LUC7L2: variants seen among roughly 807,000 people sequenced by gnomAD.
The protein encoded by LUC7L2 is putative RNA-binding protein Luc7-like 2.
Under a neutral mutation model 52.8 loss-of-function variants are expected in LUC7L2, and 25 were observed. The ratio of observed to expected loss-of-function variants is 0.47; its 90% CI spans 0.34 to 0.66. LUC7L2 has a LOEUF of 0.66. Ranked by LOEUF, LUC7L2 falls within the 30% of genes least tolerant of loss-of-function variation. The pLI, the probability that LUC7L2 is intolerant of heterozygous loss-of-function variation, is 0.01. For missense variants in LUC7L2, 328 were observed against 497.8 expected (o/e 0.66, Z 3.25); for synonymous variants, 144 against 160.9 (o/e 0.89, Z 0.80).
chr7:139,397,954 G>C (rs1794732000), intron 2 of LUC7L2, among the ~76,000 whole-genome samples: 1 of 152,104 alleles, frequency 6.6e-6, no homozygotes, highest in South Asian at 2.1e-4. Flanking sequence ...AGTTTATATG[G>C]AGTCTTGTCC....
At chr7:139,409,468 G>T (rs1585127738) in intron 6 of LUC7L2, 95 bp from the exon 7 acceptor site, 1 of 1,399,598 alleles carries the variant, frequency 7.1e-7, no homozygotes, top group Non-Finnish European at 9.4e-7. Flanking sequence ...GACAGCAGTT[G>T]TACTGTATTA....
intron 1 of LUC7L2, chr7:139,371,265 G>C (rs1186780999): frequency 1.6e-6 from 1 of 618,174 alleles, no homozygotes; most frequent in Non-Finnish European, 2.9e-6. Context: ...TAAATTGCTT[G>C]CCATGAATGC....
intron 1 of LUC7L2, among the ~76,000 whole-genome samples, chr7:139,344,599 T>C (rs770462916): frequency 6.6e-6 from 1 of 152,100 alleles, no homozygotes; most frequent in African/African-American, 2.4e-5. Flanking sequence ...ATAAGTAATA[T>C]GAACATAAGC....
intron 1 of LUC7L2, among the ~76,000 whole-genome samples, chr7:139,352,175 G>T (rs1284971553): frequency 6.6e-6 from 1 of 151,732 alleles, no homozygotes; most frequent in African/African-American, 2.4e-5. Flanking sequence ...CAGCCTGGGC[G>T]ACAGAGAAAG....
At chr7:139,341,246 G>A (rs914307113) in intron 1 of LUC7L2, 25 of 1,414,048 alleles carry the variant, frequency 1.8e-5, no homozygotes, top group Non-Finnish European at 2.2e-5. Flanking sequence ...CAACGGACAA[G>A]TGAGCGGTTC....
intron 1 of LUC7L2, among the ~76,000 whole-genome samples, chr7:139,348,551 T>C (rs1457640639): frequency 6.6e-6 from 1 of 151,714 alleles, no homozygotes; most frequent in Non-Finnish European, 1.5e-5. Flanking sequence ...AAACCCCGTC[T>C]CTACTAAAAG....
At chr7:139,416,799 A>C (rs1280561116) in intron 8 of LUC7L2, 1 of 152,226 alleles carries the variant, frequency 6.6e-6, no homozygotes, top group Non-Finnish European at 1.5e-5. Context: ...ACAAAGAGTA[A>C]TTTGTCCTGA....
In LUC7L2 at chr7:139,412,502, TTTC is replaced by T. The variant is rs1198884961; in HGVS notation, c.780-46_780-44del. On this transcript the variant is annotated intron_variant, in intron 7 of 9. Transcript: ENST00000354926. ...AGAATATAATGTAACACTGCACTGTTTTCTTATTTATAGCCACTTTTCTAAAAA... is the reference window on the plus strand; with the variant it reads ...AGAATATAATGTAACACTGCACTGTTTTATTTATAGCCACTTTTCTAAAAA... The T allele has an allele frequency of 7.0e-6, 11 of 1,567,550 alleles. 1 individual carries two copies. Among genetic ancestry groups the T allele is most frequent in the African/African-American group, 4.2e-5 (3 of 71,712 alleles).
intron 1 of LUC7L2, among the ~76,000 whole-genome samples, chr7:139,369,325 C>T (rs1156472757): frequency 6.6e-6 from 1 of 152,122 alleles, no homozygotes; most frequent in African/African-American, 2.4e-5. Context: ...TTCTATATAA[C>T]CTATTTTAGG....
chr7:139,401,044 A>G (rs1794890679), intron 3 of LUC7L2, among the ~76,000 whole-genome samples: 2 of 152,240 alleles, frequency 1.3e-5, no homozygotes, highest in Non-Finnish European at 2.9e-5. Context: ...AAACTTGAGA[A>G]TGAATTCTTA....
rs570016964 is a variant in LUC7L2, at chr7:139,404,221, A to T, written c.367-1423A>T. 4.6e-5 allele frequency among the ~76,000 whole-genome samples: 7 copies of T among 152,242 alleles called. No individual in the cohort carries two copies. In the South Asian group the frequency reaches 1.5e-3, roughly 32 times the overall value. ...GGACTGGAAACTCATACCAAACTAA[A>T]ACCTTCGGCCGGGCGTGGTGGCTCA... is the stretch of plus-strand genomic sequence containing the variant. On this transcript the variant is annotated intron_variant, in intron 4 of 9. Coordinates refer to ENST00000354926, the MANE Select transcript of LUC7L2 (RefSeq NM_016019.5).
At chr7:139,411,755 C>G (rs1456781694) in intron 7 of LUC7L2, among the ~76,000 whole-genome samples, 3 of 152,114 alleles carry the variant, frequency 2.0e-5, no homozygotes, top group Non-Finnish European at 4.4e-5. Context: ...TTTGAAGAAA[C>G]ACATTGTAAG....
intron 1 of LUC7L2, among the ~76,000 whole-genome samples, chr7:139,347,016 A>G (rs1439663075): frequency 6.6e-6 from 1 of 152,206 alleles, no homozygotes; most frequent in Non-Finnish European, 1.5e-5. Flanking sequence ...CCAATAAAAT[A>G]GTCTCCTAAA....
intron 2 of LUC7L2, among the ~76,000 whole-genome samples, chr7:139,380,383 A>T (rs538056040): frequency 1.3e-5 from 2 of 152,130 alleles, no homozygotes; most frequent in Admixed American, 6.6e-5. Flanking sequence ...GGATCATCCA[A>T]GGTCAGGAGT....
At chr7:139,421,818 T>C (rs1364710203) in intron 9 of LUC7L2, among the ~76,000 whole-genome samples, 1 of 152,260 alleles carries the variant, frequency 6.6e-6, no homozygotes, top group Non-Finnish European at 1.5e-5. Flanking sequence ...ATTTAGATAA[T>C]ACATTTCTTT....
intron 3 of LUC7L2, among the ~76,000 whole-genome samples, chr7:139,399,438 GTGTT>G (rs1794799377): frequency 7.3e-6 from 1 of 137,550 alleles, no homozygotes; most frequent in Non-Finnish European, 1.6e-5. Flanking sequence ...ATGCATATGG[GTGTT>G]TGGGGGATTT....
chr7:139,407,656 A>G (rs1022143070), intron 6 of LUC7L2, among the ~76,000 whole-genome samples: 20 of 152,170 alleles, frequency 1.3e-4, no homozygotes, highest in Admixed American at 9.2e-4. Flanking sequence ...CTTTTCAATA[A>G]GGTCAATAAG....
chr7:139,397,882 G>A (rs137868569), intron 2 of LUC7L2, among the ~76,000 whole-genome samples: 1 of 152,050 alleles, frequency 6.6e-6, no homozygotes, highest in African/African-American at 2.4e-5. Context: ...ATTATAAGTG[G>A]GATTAAATGC....
chr7:139,362,341 T>C (rs951224134), intron 1 of LUC7L2, among the ~76,000 whole-genome samples: 1 of 152,150 alleles, frequency 6.6e-6, no homozygotes, highest in Non-Finnish European at 1.5e-5. Flanking sequence ...TTAATGAGTT[T>C]ATATATATCA....
Sources: allele counts gnomAD v4.1 joint callset (sites outside exome capture counted in the v4.1 genomes callset), GRCh38; gene constraint gnomAD v4.1.1; transcripts MANE v1.5; gene names NCBI Gene and HGNC (gene_info 2026-07-23, HGNC 2026-07-21).